The following LRRC4B variants were observed in gnomAD, a reference collection of about 807,000 sequenced individuals.
LRRC4B encodes leucine-rich repeat-containing protein 4B.
Under a neutral mutation model 7.3 loss-of-function variants are expected in LRRC4B, and 1 was observed. The ratio of observed to expected loss-of-function variants is 0.14; its 90% CI spans 0.05 to 0.65. The LOEUF (loss-of-function observed/expected upper bound fraction) is 0.65, where lower values mean the gene tolerates loss of function less well. Among genes scored for constraint, LRRC4B ranks in the 30% least tolerant of loss-of-function variants. LRRC4B has a pLI of 0.84. For synonymous variants in LRRC4B, 500 were observed against 499.2 expected (o/e 1.00, Z -0.02); for missense variants, 730 against 1,041.6 (o/e 0.70, Z 4.12).
chr19:50,565,956 G>A (rs1982615482), intron 1 of LRRC4B, among the ~76,000 whole-genome samples: 1 of 152,042 alleles, frequency 6.6e-6, no homozygotes, highest in South Asian at 2.1e-4. Context: ...TCCCTCCCTG[G>A]CTCCCACTCT....
chr19:50,557,422 C>T (rs1982314740), intron 1 of LRRC4B, among the ~76,000 whole-genome samples: 1 of 152,226 alleles, frequency 6.6e-6, no homozygotes, highest in Non-Finnish European at 1.5e-5. Flanking sequence ...CCCGTCCAGT[C>T]CCTGGCTGTG....
intron 1 of LRRC4B, among the ~76,000 whole-genome samples, chr19:50,559,253 G>C (rs984260669): frequency 6.6e-6 from 1 of 152,204 alleles, no homozygotes; most frequent in East Asian, 1.9e-4. Context: ...TGACCAACAT[G>C]CTGAAATTCC....
chr19:50,563,129 G>C lies in LRRC4B; in HGVS notation c.-36+4815C>G, dbSNP rs527923188. On this transcript the variant is annotated intron_variant, in intron 1 of 2. Transcript: ENST00000652263. This position sits in a 1 kb window ranked among gnomAD's most constrained non-coding sequence, Gnocchi z 4.9. ...TCTCAGCAGCCCTCCTGGGGAAACA[G>C]CAGTCCCCTGGGCTCCCGCCTGCCT... Among the ~76,000 whole-genome samples the C allele has an allele frequency of 6.6e-6, 1 of 152,146 alleles. No homozygotes were observed. Among genetic ancestry groups the C allele is most frequent in the African/African-American group, 2.4e-5 (1 of 41,510 alleles).
intron 2 of LRRC4B, among the ~76,000 whole-genome samples, chr19:50,527,092 G>A (rs1276652578): frequency 2.0e-5 from 3 of 150,602 alleles, no homozygotes; most frequent in Non-Finnish European, 4.4e-5. Flanking sequence ...GAGTGCAGTG[G>A]CACAATCCCG....
chr19:50,552,508 G>T (rs1353319923), intron 1 of LRRC4B, among the ~76,000 whole-genome samples: 1 of 151,818 alleles, frequency 6.6e-6, no homozygotes, highest in Non-Finnish European at 1.5e-5. Flanking sequence ...TGCAAAATCT[G>T]CAGGGCAGCC....
chr19:50,528,517 GTAT>G (rs1980916280), intron 2 of LRRC4B, among the ~76,000 whole-genome samples: 1 of 152,084 alleles, frequency 6.6e-6, no homozygotes, highest in Admixed American at 6.6e-5. Flanking sequence ...GCTAATTTTT[GTAT>G]TTTTAGTAGA....
At position 50,548,568 on chromosome 19, in the gene LRRC4B, G is replaced by A. The variant is rs774168748; in HGVS notation, c.271C>T (p.Leu91=). The change falls in exon 2 of 3, where the codon CTG becomes TTG. Residue 91 remains leucine (L), a synonymous_variant. Transcript: ENST00000652263. The surrounding 1 kb of genome is among the most constrained non-coding windows in gnomAD (Gnocchi z 6.8). ...PASIPVNTRY[L]NLQENGIQVI... ...TGGATGCCGTTCTCTTGCAGGTTCAGGTACCGCGTGTTGACCGGGATGCTG... is the reference window on the plus strand; with the variant it reads ...TGGATGCCGTTCTCTTGCAGGTTCAAGTACCGCGTGTTGACCGGGATGCTG... 3 of 1,601,098 alleles carry A rather than the reference G, an allele frequency of 1.9e-6. No homozygotes were observed. The Admixed American group carries it at 5.0e-5, about 27-fold the overall frequency.
chr19:50,535,150 G>A (rs1237081519), intron 2 of LRRC4B, among the ~76,000 whole-genome samples: 2 of 151,970 alleles, frequency 1.3e-5, no homozygotes, highest in Admixed American at 6.6e-5. Context: ...TTACAGGCGT[G>A]ACCCACCACG....
In LRRC4B at chr19:50,532,118, C is replaced by T. The variant is rs540379645; in HGVS notation, c.298-12703G>A. Among the ~76,000 whole-genome samples the T allele has an allele frequency of 5.3e-5, 8 of 152,278 alleles. No homozygotes were observed. The South Asian group carries it at 1.5e-3, about 28-fold the overall frequency. On this transcript the variant is annotated intron_variant, in intron 2 of 2. Coordinates refer to ENST00000652263, the MANE Select transcript of LRRC4B (RefSeq NM_001080457.2). ...TGGCGTGGTGGCACACTCCTGTAGT[C>T]CCAGCTACTTGGGAGGCTGAGGCAG...
chr19:50,566,229 G>A (rs1432111545), intron 1 of LRRC4B, among the ~76,000 whole-genome samples: 1 of 152,000 alleles, frequency 6.6e-6, no homozygotes, highest in African/African-American at 2.4e-5. Flanking sequence ...TCCTGGACCA[G>A]GAGGGAAGCC....
rs537994240 is a variant in LRRC4B, at chr19:50,530,720, G to A, written c.298-11305C>T. On this transcript the variant is annotated intron_variant, in intron 2 of 2. Coordinates refer to ENST00000652263, the MANE Select transcript of LRRC4B (RefSeq NM_001080457.2). The stretch of plus-strand genomic sequence containing the variant: ...CAGGCGATGATGCCTTGCAGGGCAC[G>A]TGTTGCTAGGCTCCTTTTTTGTTTT... 6.2e-4 allele frequency among the ~76,000 whole-genome samples: 94 copies of A among 152,136 alleles called. 2 individuals carry two copies. The highest frequency in any genetic ancestry group is 1.8e-3 in the Admixed American group (28 of 15,282).
At position 50,537,882 on chromosome 19, in the gene LRRC4B, C is replaced by T. The variant is rs1406908748; in HGVS notation, c.297+10660G>A. 6.6e-6 allele frequency among the ~76,000 whole-genome samples: 1 copy of T among 152,052 alleles called. No homozygotes were observed. Among genetic ancestry groups the T allele is most frequent in the African/African-American group, 2.4e-5 (1 of 41,410 alleles). ...GAGCCAGGGAGGCCGCAGTTAGACA[C>T]GAAGTCTCAGCAGCCCGGGAACGGA... is the stretch of plus-strand genomic sequence containing the variant. On this transcript the variant is annotated intron_variant, in intron 2 of 2. Coordinates refer to ENST00000652263, the MANE Select transcript of LRRC4B (RefSeq NM_001080457.2). This position sits in a 1 kb window ranked among gnomAD's most constrained non-coding sequence, Gnocchi z 5.5.
At chr19:50,559,605 G>GA (rs1473618527) in intron 1 of LRRC4B, among the ~76,000 whole-genome samples, 1 of 152,242 alleles carries the variant, frequency 6.6e-6, no homozygotes, top group Non-Finnish European at 1.5e-5. Context: ...AGGCAGTGGG[G>GA]CGTGAGAGCG....
At chr19:50,520,203 C>CAAAAAAAAAAAAAAAAA (rs1173919963) in intron 2 of LRRC4B, among the ~76,000 whole-genome samples, 3 of 9,382 alleles carry the variant, frequency 3.2e-4, no homozygotes, top group African/African-American at 4.6e-4. Flanking sequence ...AATACCCTGT[C>CAAAAAAAAAAAAAAAAA]AAAAAAAAAA....
chr19:50,522,269 A>C (rs1980613548), intron 2 of LRRC4B, among the ~76,000 whole-genome samples: 1 of 152,154 alleles, frequency 6.6e-6, no homozygotes, highest in Non-Finnish European at 1.5e-5. Flanking sequence ...ACTGTTCTAA[A>C]CATTTTGTGG....
rs1031182061 is a variant in LRRC4B, at chr19:50,568,157, G to C, written c.-249C>G. 1.3e-5 allele frequency: 2 copies of C among 152,390 alleles called. No individual in the cohort carries two copies. The highest frequency in any genetic ancestry group is 2.9e-5 in the Non-Finnish European group (2 of 68,390). The allele number at this position is 152,390 out of a possible 1,614,324, so 9.4% of individuals were successfully genotyped here. On this transcript the variant is annotated 5_prime_UTR_variant, in exon 1 of 3. Coordinates refer to ENST00000652263, the MANE Select transcript of LRRC4B (RefSeq NM_001080457.2). ...GCAGCGGCGGCGGTGGGGCTGGGGGGGCCGCTCTGCCTCCTCGCCTCGCGC... is the reference window on the plus strand; with the variant it reads ...GCAGCGGCGGCGGTGGGGCTGGGGGCGCCGCTCTGCCTCCTCGCCTCGCGC...
chr19:50,548,532 C>G lies in LRRC4B; in HGVS notation c.297+10G>C. The G allele has an allele frequency of 6.3e-7, 1 of 1,587,360 alleles. No homozygotes were observed. The highest frequency in any genetic ancestry group is 8.5e-7 in the Non-Finnish European group (1 of 1,173,994). On this transcript the variant is annotated intron_variant, in intron 2 of 2. Coordinates refer to ENST00000652263, the MANE Select transcript of LRRC4B (RefSeq NM_001080457.2). The surrounding 1 kb of genome is among the most constrained non-coding windows in gnomAD (Gnocchi z 6.8). ...TCCAAGGTCCCCCTCTGCCCGCTGG[C>G]CCCGCATACCTGGATGCCGTTCTCT...
chr19:50,552,590 GTCCATCCA>G (rs71182735), intron 1 of LRRC4B, among the ~76,000 whole-genome samples: 1,160 of 110,228 alleles, frequency 0.011, 14 homozygotes, highest in South Asian at 0.02. Context: ...CCATCCATCT[GTCCATCCA>G]TCCATCCATC....
intron 1 of LRRC4B, among the ~76,000 whole-genome samples, chr19:50,549,632 G>A (rs1981968286): frequency 6.6e-6 from 1 of 152,272 alleles, no homozygotes. Context: ...CAACCGTGGA[G>A]GTGACAGGTG....
Sources: allele counts gnomAD v4.1 joint callset (sites outside exome capture counted in the v4.1 genomes callset), GRCh38; gene constraint gnomAD v4.1.1; non-coding constraint Gnocchi (gnomAD v3.1); transcripts MANE v1.5; gene names NCBI Gene and HGNC (gene_info 2026-07-23, HGNC 2026-07-21).